FTO: variants seen among roughly 807,000 people sequenced by gnomAD.
FTO encodes the protein alpha-ketoglutarate-dependent dioxygenase FTO.
A neutral mutation model predicts 63.9 loss-of-function variants in FTO; 47 were observed. The observed-to-expected ratio is 0.74, with a 90% CI of 0.58 to 0.94. FTO has a LOEUF of 0.94. Ranked by LOEUF, FTO falls within the 40% of genes least tolerant of loss-of-function variation. The pLI is 0.00. For missense variants in FTO, 562 were observed against 618.1 expected (o/e 0.91, Z 0.96); for synonymous variants, 207 against 224.4 (o/e 0.92, Z 0.69).
At chr16:53,803,473 T>A (rs1485789259) in intron 1 of FTO, among the ~76,000 whole-genome samples, 2 of 152,254 alleles carry the variant, frequency 1.3e-5, no homozygotes, top group African/African-American at 4.8e-5. Flanking sequence ...CAGCCAGGAC[T>A]TGAGGGTCCA....
At chr16:54,018,414 A>ATAGATAGATAGATAGT (rs2084507815) in intron 8 of FTO, among the ~76,000 whole-genome samples, 1 of 145,938 alleles carries the variant, frequency 6.9e-6, no homozygotes, top group Non-Finnish European at 1.5e-5. Context: ...AGATAGATAC[A>ATAGATAGATAGATAGT]TACATACATA....
At chr16:53,902,694 G>C (rs2081432940) in intron 7 of FTO, among the ~76,000 whole-genome samples, 1 of 152,140 alleles carries the variant, frequency 6.6e-6, no homozygotes, top group Non-Finnish European at 1.5e-5. Context: ...AGGGTGAGGT[G>C]CATTGTCTTA....
chr16:53,722,827 CAA>C lies in FTO; in HGVS notation c.45+18612_45+18613del, dbSNP rs34522072. On this transcript the variant is annotated intron_variant, in intron 1 of 8. Coordinates refer to ENST00000471389, the MANE Select transcript of FTO (RefSeq NM_001080432.3). ...TGGATGACAGGGTGAGACGCCACCTCAAAAAAAAAAAAAAATGTTTTGTGTAA... is the reference window on the plus strand; with the variant it reads ...TGGATGACAGGGTGAGACGCCACCTCAAAAAAAAAAAAATGTTTTGTGTAA... Among the ~76,000 whole-genome samples the C allele has an allele frequency of 2.9e-3, 408 of 141,420 alleles. 1 individual carries two copies. The highest frequency in any genetic ancestry group is 3.0e-3 in the Non-Finnish European group (193 of 64,392). The allele number at this position is 141,420 out of a possible 152,430, so 92.8% of individuals were successfully genotyped here.
At chr16:53,926,734 T>C (rs1259891337) in intron 7 of FTO, among the ~76,000 whole-genome samples, 2 of 152,230 alleles carry the variant, frequency 1.3e-5, no homozygotes, top group Non-Finnish European at 2.9e-5. Flanking sequence ...AATAGCCATG[T>C]GTTTTTAGGG....
chr16:53,704,241 T>G lies in FTO; in HGVS notation c.45+12T>G. ...AGCGCGAAGCTAAGGTATGTCGGGC[T>G]CCCGGGGCCTGGAGATCTTCGTGCG... On this transcript the variant is annotated intron_variant, in intron 1 of 8. Coordinates refer to ENST00000471389, the MANE Select transcript of FTO (RefSeq NM_001080432.3). The G allele has an allele frequency of 6.4e-7, 1 of 1,551,328 alleles. No homozygotes were observed. Among genetic ancestry groups the G allele is most frequent in the Non-Finnish European group, 8.7e-7 (1 of 1,146,746 alleles).
intron 1 of FTO, among the ~76,000 whole-genome samples, chr16:53,739,202 C>CTATTTATTTATT: frequency 6.7e-6 from 1 of 149,724 alleles, no homozygotes; most frequent in East Asian, 2.0e-4. Flanking sequence ...CTTACTATTA[C>CTATTTATTTATT]TATTTATTTA....
chr16:53,726,907 T>G (rs1399879795), intron 1 of FTO, among the ~76,000 whole-genome samples: 1 of 152,210 alleles, frequency 6.6e-6, no homozygotes, highest in African/African-American at 2.4e-5. Context: ...AAAAGGAGCC[T>G]GCCATTGGTT....
At chr16:53,717,378 T>C (rs1050731433) in intron 1 of FTO, among the ~76,000 whole-genome samples, 1 of 152,158 alleles carries the variant, frequency 6.6e-6, no homozygotes, top group Non-Finnish European at 1.5e-5. Flanking sequence ...CTAATTATTA[T>C]ATTTGGTTGA....
chr16:53,902,380 A>T (rs1348133371), intron 7 of FTO, among the ~76,000 whole-genome samples: 1 of 152,126 alleles, frequency 6.6e-6, no homozygotes, highest in Non-Finnish European at 1.5e-5. Context: ...GAGCCAGATA[A>T]TATAGAACCC....
At chr16:54,026,586 G>A (rs2302675) in intron 8 of FTO, among the ~76,000 whole-genome samples, 47,976 of 151,946 alleles carry the variant, frequency 0.32, 7,824 homozygotes, top group Admixed American at 0.37. Context: ...AGGGAAGAAT[G>A]GATGTTAGGA....
chr16:53,858,676 T>C (rs2080079632), intron 4 of FTO, among the ~76,000 whole-genome samples: 1 of 152,122 alleles, frequency 6.6e-6, no homozygotes, highest in Non-Finnish European at 1.5e-5. Context: ...TTTTCCTTTT[T>C]GTGAGACGGG....
chr16:53,902,883 G>A (rs1239983022), intron 7 of FTO, among the ~76,000 whole-genome samples: 2 of 152,156 alleles, frequency 1.3e-5, no homozygotes, highest in Non-Finnish European at 1.5e-5. Context: ...AGAGACTGAG[G>A]GGCGAGGATC....
At chr16:53,817,285 A>C (rs1422289392) in intron 2 of FTO, among the ~76,000 whole-genome samples, 1 of 152,234 alleles carries the variant, frequency 6.6e-6, no homozygotes, top group South Asian at 2.1e-4. Context: ...GAGTCTGAAC[A>C]GTGACTCCAG....
intron 2 of FTO, among the ~76,000 whole-genome samples, chr16:53,813,244 C>T (rs2078585245): frequency 6.6e-6 from 1 of 151,408 alleles, no homozygotes; most frequent in Non-Finnish European, 1.5e-5. Flanking sequence ...CAGCATCTCA[C>T]TCTGTTGCCC....
chr16:53,796,264 G>T (rs533852172), intron 1 of FTO, among the ~76,000 whole-genome samples: 2 of 152,032 alleles, frequency 1.3e-5, no homozygotes, highest in Non-Finnish European at 2.9e-5. Flanking sequence ...GGCTAATCTG[G>T]AACTCCTGAC....
intron 1 of FTO, among the ~76,000 whole-genome samples, chr16:53,710,139 A>G (rs2075730521): frequency 6.6e-6 from 1 of 151,482 alleles, no homozygotes; most frequent in South Asian, 2.1e-4. Flanking sequence ...CTTTCAAGAC[A>G]TTGACATTTG....
intron 8 of FTO, among the ~76,000 whole-genome samples, chr16:54,111,013 A>T (rs708278): frequency 6.6e-6 from 1 of 151,960 alleles, no homozygotes; most frequent in Admixed American, 6.6e-5. Flanking sequence ...CGTTGCCCCA[A>T]TTTTTTTCCT....
chr16:54,008,146 G>A (rs966624762), intron 8 of FTO, among the ~76,000 whole-genome samples: 1 of 152,114 alleles, frequency 6.6e-6, no homozygotes, highest in Admixed American at 6.5e-5. Flanking sequence ...ATAAATGTAG[G>A]TTCCAACTCC....
chr16:53,838,471 C>T (rs906502040), intron 3 of FTO, among the ~76,000 whole-genome samples: 7 of 151,314 alleles, frequency 4.6e-5, no homozygotes, highest in South Asian at 2.1e-4. Context: ...CCACCACACC[C>T]GGCTAATTTT....
Sources: gnomAD v4.1 joint callset for allele counts (sites outside exome capture counted in the v4.1 genomes callset) on GRCh38, gnomAD v4.1.1 for gene constraint, MANE v1.5 for transcripts, NCBI Gene and HGNC (gene_info 2026-07-23, HGNC 2026-07-21) for gene names.